The following RUNX1 variants were observed in gnomAD, a reference collection of about 807,000 sequenced individuals.
The protein encoded by RUNX1 is runt-related transcription factor 1.
In RUNX1, 19 loss-of-function variants were observed where a neutral mutation model predicts 42.8. The ratio of observed to expected loss-of-function variants is 0.44; its 90% CI spans 0.31 to 0.65. RUNX1 has a LOEUF of 0.65. Among genes scored for constraint, RUNX1 ranks in the 30% least tolerant of loss-of-function variants. RUNX1 has a pLI of 0.07. For synonymous variants in RUNX1, 271 were observed against 289.4 expected, an observed-to-expected ratio of 0.94 and a Z score of 0.64; for missense variants, 528 against 672.0, an observed-to-expected ratio of 0.79 and a Z score of 2.37.
At chr21:34,887,715 T>G in intron 3 of RUNX1, 1 of 1,059,952 alleles carries the variant, frequency 9.4e-7, no homozygotes, top group Non-Finnish European at 1.1e-6. Context: ...TATATACATA[T>G]GCTCTACTTC....
chr21:34,866,840 T>G (rs1046400027), intron 5 of RUNX1, among the ~76,000 whole-genome samples: 1 of 152,210 alleles, frequency 6.6e-6, no homozygotes, highest in Non-Finnish European at 1.5e-5. Flanking sequence ...AAATGCAGAC[T>G]TGAGGCCTAA....
At chr21:34,816,393 G>A (rs2056827338) in intron 7 of RUNX1, among the ~76,000 whole-genome samples, 1 of 151,788 alleles carries the variant, frequency 6.6e-6, no homozygotes, top group Admixed American at 6.6e-5. Context: ...AGCGGGTGGG[G>A]GCACGCTCAG....
rs181529871 is a variant in RUNX1 at position 34,898,809 on chromosome 21, G to A, written c.59-5846C>T. On this transcript the variant is annotated intron_variant, in intron 2 of 8. Transcript: ENST00000675419. ...TACAGATTCTGCCTCAGCAGGTCTC[G>A]GAAGAAGCCTGAGATTCTTGGTTTC... Among the ~76,000 whole-genome samples, 274 of 152,324 alleles carry A rather than the reference G, an allele frequency of 1.8e-3. 3 individuals carry two copies. The highest frequency in any genetic ancestry group is 3.1e-3 in the Admixed American group (48 of 15,302).
intron 6 of RUNX1, among the ~76,000 whole-genome samples, chr21:34,837,996 T>C (rs1466306361): frequency 1.3e-5 from 2 of 152,232 alleles, no homozygotes; most frequent in Non-Finnish European, 2.9e-5. Context: ...AAATTGTATA[T>C]AATAAAAATA....
At chr21:34,999,528 C>T (rs190418134) in intron 2 of RUNX1, among the ~76,000 whole-genome samples, 1 of 152,276 alleles carries the variant, frequency 6.6e-6, no homozygotes, top group East Asian at 1.9e-4. Flanking sequence ...CCAGAATGGT[C>T]CTTTTGGCCT....
chr21:34,945,297 C>A (rs1313466335), intron 2 of RUNX1, among the ~76,000 whole-genome samples: 1 of 152,202 alleles, frequency 6.6e-6, no homozygotes, highest in African/African-American at 2.4e-5. Flanking sequence ...TACAATCTCA[C>A]AAACATATTC....
chr21:35,040,770 C>CAAAAAAAAAAAAAAAA (rs1568808489), intron 2 of RUNX1, among the ~76,000 whole-genome samples: 1 of 50,998 alleles, frequency 2.0e-5, no homozygotes, highest in African/African-American at 4.9e-5. Flanking sequence ...TAGACTCCAT[C>CAAAAAAAAAAAAAAAA]CAAAAAAAAA....
At chr21:34,887,670 G>A (rs2058018610) in intron 3 of RUNX1, 1 of 1,074,674 alleles carries the variant, frequency 9.3e-7, no homozygotes, top group Non-Finnish European at 1.1e-6. Flanking sequence ...ACTTCCAAAG[G>A]TAGTGCTACT....
intron 2 of RUNX1, among the ~76,000 whole-genome samples, chr21:34,977,950 C>A (rs566139047): frequency 6.7e-6 from 1 of 149,928 alleles, no homozygotes; most frequent in African/African-American, 2.5e-5. Context: ...GAGACGGAGT[C>A]TCTCTCTGTC....
intron 7 of RUNX1, among the ~76,000 whole-genome samples, chr21:34,819,117 A>C (rs1010678010): frequency 2.6e-5 from 4 of 152,208 alleles, no homozygotes; most frequent in African/African-American, 9.6e-5. Flanking sequence ...TCAGAAGTTC[A>C]AAGTCACTGT....
At chr21:34,895,756 C>T (rs1035670277) in intron 2 of RUNX1, among the ~76,000 whole-genome samples, 17 of 151,992 alleles carry the variant, frequency 1.1e-4, no homozygotes, top group African/African-American at 3.4e-4. Flanking sequence ...AATACATAGA[C>T]GTAGATAGGT....
intron 2 of RUNX1, among the ~76,000 whole-genome samples, chr21:35,016,683 C>A (rs920846348): frequency 4.6e-5 from 7 of 151,972 alleles, no homozygotes; most frequent in Non-Finnish European, 8.8e-5. Flanking sequence ...CATTTGATAC[C>A]CCATTTCTGG....
At chr21:35,019,158 C>G (rs2059180491) in intron 2 of RUNX1, among the ~76,000 whole-genome samples, 1 of 152,224 alleles carries the variant, frequency 6.6e-6, no homozygotes, top group South Asian at 2.1e-4. Context: ...ACTGCATCCC[C>G]TTCATTTGAA....
intron 2 of RUNX1, among the ~76,000 whole-genome samples, chr21:34,909,945 CCTT>C (rs1437850907): frequency 1.3e-5 from 2 of 152,164 alleles, no homozygotes; most frequent in South Asian, 2.1e-4. Flanking sequence ...TCCTCCTCCT[CCTT>C]CTTCTTCAAC....
intron 2 of RUNX1, chr21:35,038,572 C>CT (rs2059328102): frequency 4.1e-6 from 1 of 243,246 alleles, no homozygotes; most frequent in East Asian, 1.3e-4. Flanking sequence ...TGAATGCTGG[C>CT]CTCTCTCTCT....
chr21:35,014,381 A>G (rs1022717284), intron 2 of RUNX1, among the ~76,000 whole-genome samples: 16 of 152,228 alleles, frequency 1.1e-4, no homozygotes, highest in African/African-American at 3.9e-4. Flanking sequence ...GAGTAGTGGC[A>G]TAGACACACT....
intron 7 of RUNX1, among the ~76,000 whole-genome samples, chr21:34,826,464 A>G (rs1439638527): frequency 2.2e-5 from 3 of 137,810 alleles, no homozygotes; most frequent in Non-Finnish European, 4.7e-5. Flanking sequence ...TTGAGACAGA[A>G]TCTCACTCTG....
At chr21:34,809,568 C>T (rs773658514) in intron 7 of RUNX1, among the ~76,000 whole-genome samples, 23 of 152,064 alleles carry the variant, frequency 1.5e-4, no homozygotes, top group Admixed American at 5.9e-4. Flanking sequence ...GGATTGTGCA[C>T]GCTTGATAGT....
intron 2 of RUNX1, among the ~76,000 whole-genome samples, chr21:34,980,724 T>C (rs1025932122): frequency 1.3e-5 from 2 of 152,210 alleles, no homozygotes; most frequent in Non-Finnish European, 2.9e-5. Flanking sequence ...ATCAAGACAC[T>C]GTGATTGTGT....
Sources: allele counts gnomAD v4.1 joint callset (sites outside exome capture counted in the v4.1 genomes callset), GRCh38; gene constraint gnomAD v4.1.1; transcripts MANE v1.5; gene names NCBI Gene and HGNC (gene_info 2026-07-23, HGNC 2026-07-21).